Variants in WIF1 observed in about 807,000 individuals in gnomAD.
The protein encoded by WIF1 is Wnt inhibitory factor 1.
Under a neutral mutation model 53.5 loss-of-function variants are expected in WIF1, and 35 were observed. The observed-to-expected ratio is 0.65, with a 90% confidence interval of 0.50 to 0.87. The LOEUF (loss-of-function observed/expected upper bound fraction) is 0.87, where lower values mean the gene tolerates loss of function less well. Among genes scored for constraint, WIF1 ranks in the 40% least tolerant of loss-of-function variants. WIF1 has a pLI of 0.00. For missense variants in WIF1, 467 were observed against 476.8 expected (o/e 0.98, Z 0.19); for synonymous variants, 171 against 170.4 (o/e 1.00, Z -0.03).
At chr12:65,090,171 G>A (rs2136629375) in intron 2 of WIF1, among the ~76,000 whole-genome samples, 1 of 152,302 alleles carries the variant, frequency 6.6e-6, no homozygotes, top group Non-Finnish European at 1.5e-5. Flanking sequence ...CAACAAGGGA[G>A]ACTAAGCTGG....
chr12:65,115,367 C>G (rs1883492711), intron 2 of WIF1, among the ~76,000 whole-genome samples: 1 of 151,962 alleles, frequency 6.6e-6, no homozygotes, highest in Admixed American at 6.6e-5. Flanking sequence ...GGCCTTACAC[C>G]AAATTGGTTC....
At chr12:65,107,344 T>C (rs1883365980) in intron 2 of WIF1, among the ~76,000 whole-genome samples, 1 of 152,188 alleles carries the variant, frequency 6.6e-6, no homozygotes, top group Non-Finnish European at 1.5e-5. Flanking sequence ...AGATGTCCTG[T>C]CCTGGCACAG....
chr12:65,083,856 C>CTTTTCTTTTCT, intron 2 of WIF1: 1 of 333,170 alleles, frequency 3.0e-6, no homozygotes, highest in South Asian at 2.3e-5. Context: ...CTTTTCTTTT[C>CTTTTCTTTTCT]TTTTATTTGC....
chr12:65,085,341 C>T (rs898959803), intron 2 of WIF1, among the ~76,000 whole-genome samples: 1 of 152,030 alleles, frequency 6.6e-6, no homozygotes, highest in Non-Finnish European at 1.5e-5. Flanking sequence ...TCATATATAC[C>T]TTATAGGCTG....
rs1487840398 is a variant in WIF1, at chr12:65,053,959, C to A, written c.1018+1159G>T. 5.9e-5 allele frequency: 9 copies of A among 151,610 alleles called. No individual in the cohort carries two copies. The East Asian group carries it at 1.7e-3, about 29-fold the overall frequency. The allele number at this position is 151,610 out of a possible 1,614,324, so 9.4% of individuals were successfully genotyped here. A position where few individuals can be genotyped will look rare whatever the true frequency, so the allele number is the denominator to read the frequency against. On this transcript the variant is annotated intron_variant, in intron 9 of 9. Transcript: ENST00000286574. ...CACTCACTGGGTTGCATGCACCAAC[C>A]TTTGGAGACTACTGATCTAGGAAAA... is the stretch of plus-strand genomic sequence containing the variant.
chr12:65,055,781 CAAAA>C (rs1473329456), intron 8 of WIF1, among the ~76,000 whole-genome samples: 1 of 151,474 alleles, frequency 6.6e-6, no homozygotes, highest in African/African-American at 2.4e-5. Context: ...TCTCAAAAAA[CAAAA>C]CAAAACAAAA....
At chr12:65,099,882 A>G (rs568687882) in intron 2 of WIF1, among the ~76,000 whole-genome samples, 1 of 152,322 alleles carries the variant, frequency 6.6e-6, no homozygotes, top group South Asian at 2.1e-4. Context: ...ACGTTGATCT[A>G]CTTGTTAATC....
chr12:65,062,899 A>G (rs897324114), intron 6 of WIF1, among the ~76,000 whole-genome samples: 2 of 152,166 alleles, frequency 1.3e-5, no homozygotes, highest in African/African-American at 4.8e-5. Context: ...AAAGAATGGT[A>G]TAAACCTAAG....
Position 65,050,762 on chromosome 12 carries a change from T to C in WIF1, c.*587A>G, listed in dbSNP as rs1348467822. ...AAAAGTTCATACATTATATTCCCTA[T>C]TTCATTGTGTTTAGAATATATTATA... On this transcript the variant is annotated 3_prime_UTR_variant, in exon 10 of 10. Coordinates refer to ENST00000286574, the MANE Select transcript of WIF1 (RefSeq NM_007191.5). 5.2e-6 allele frequency: 1 copy of C among 191,446 alleles called. No individual in the cohort carries two copies. Among genetic ancestry groups the C allele is most frequent in the East Asian group, 8.4e-5 (1 of 11,936 alleles). The allele number at this position is 191,446 out of a possible 1,614,324, so 11.9% of individuals were successfully genotyped here.
At chr12:65,078,743 C>A (rs908698797) in intron 2 of WIF1, among the ~76,000 whole-genome samples, 1 of 152,198 alleles carries the variant, frequency 6.6e-6, no homozygotes, top group Non-Finnish European at 1.5e-5. Flanking sequence ...TGAACACTTT[C>A]ATTTACCCAC....
chr12:65,055,215 T>C lies in WIF1; in HGVS notation c.923-2A>G. Reference sequence around the variant, plus strand: ...CACCACAGCCAGGCTCGCAGACAGCTAGAATCAAAAGAAATAAAAAGAGTA... The same window carrying C: ...CACCACAGCCAGGCTCGCAGACAGCCAGAATCAAAAGAAATAAAAAGAGTA... On this transcript the variant is annotated splice_acceptor_variant, in intron 8 of 9. Coordinates refer to ENST00000286574, the MANE Select transcript of WIF1 (RefSeq NM_007191.5). LOFTEE classifies it high-confidence loss of function. 6.2e-7 allele frequency: 1 copy of C among 1,611,868 alleles called. No homozygotes were observed. Among genetic ancestry groups the C allele is most frequent in the Non-Finnish European group, 8.5e-7 (1 of 1,179,430 alleles).
chr12:65,092,442 A>C (rs1465066396), intron 2 of WIF1, among the ~76,000 whole-genome samples: 2 of 149,552 alleles, frequency 1.3e-5, no homozygotes, highest in Non-Finnish European at 3.0e-5. Flanking sequence ...ATGTGTATAT[A>C]TATATGTATA....
At chr12:65,091,828 T>C (rs942326646) in intron 2 of WIF1, among the ~76,000 whole-genome samples, 17 of 152,178 alleles carry the variant, frequency 1.1e-4, no homozygotes, top group Non-Finnish European at 1.5e-4. Context: ...ATGCCTTCTT[T>C]TATTCATTCA....
At chr12:65,107,316 G>T (rs1019048729) in intron 2 of WIF1, among the ~76,000 whole-genome samples, 1 of 152,180 alleles carries the variant, frequency 6.6e-6, no homozygotes, top group African/African-American at 2.4e-5. Context: ...GATCCATCTG[G>T]TTATTGTCTA....
At chr12:65,120,248 G>A (rs537352982) in intron 2 of WIF1, among the ~76,000 whole-genome samples, 169 bp downstream of exon 2, 7 of 152,288 alleles carry the variant, frequency 4.6e-5, no homozygotes, top group Admixed American at 2.0e-4. Flanking sequence ...ATCATTAATT[G>A]ATATGGCAAC....
intron 2 of WIF1, among the ~76,000 whole-genome samples, chr12:65,095,481 T>G (rs1883189862): frequency 6.6e-6 from 1 of 152,156 alleles, no homozygotes; most frequent in Non-Finnish European, 1.5e-5. Context: ...CTCCTCTATT[T>G]GATTATAATT....
At chr12:65,101,342 T>A (rs190991778) in intron 2 of WIF1, among the ~76,000 whole-genome samples, 1 of 152,324 alleles carries the variant, frequency 6.6e-6, no homozygotes, top group African/African-American at 2.4e-5. Flanking sequence ...GTCATGAATA[T>A]CTAGAAAGAA....
chr12:65,079,732 GGCA>G (rs1882919750), intron 2 of WIF1, among the ~76,000 whole-genome samples: 1 of 151,938 alleles, frequency 6.6e-6, no homozygotes, highest in Non-Finnish European at 1.5e-5. Flanking sequence ...ATGAGAGTTA[GGCA>G]AGTTGAGTGG....
chr12:65,120,500 C>A lies in WIF1; in HGVS notation c.205G>T (p.Asp69Tyr). 1 of 1,614,112 alleles carries A rather than the reference C, an allele frequency of 6.2e-7. No homozygotes were observed. Among genetic ancestry groups the A allele is most frequent in the Non-Finnish European group, 8.5e-7 (1 of 1,180,014 alleles). Residue 69 changes from aspartate (D) to tyrosine (Y), a missense_variant, in exon 2 of 10, where the codon GAT becomes TAT. Transcript: ENST00000286574. ...ATTCTCTGTTGTGCTTTTCTGAAAT[C>A]ATGTGTAAAAGGTGCCATTTTCCCC... Reference protein sequence around the residue: ...SEGKMAPFTHDFRKAQQRMPA... With the variant: ...SEGKMAPFTHYFRKAQQRMPA...
Sources: allele counts gnomAD v4.1 joint callset (sites outside exome capture counted in the v4.1 genomes callset), GRCh38; gene constraint gnomAD v4.1.1; transcripts MANE v1.5; gene names NCBI Gene and HGNC (gene_info 2026-07-23, HGNC 2026-07-21).